The following AVEN variants were observed in gnomAD, a reference collection of about 807,000 sequenced individuals.
The protein encoded by AVEN is cell death regulator Aven.
AVEN carries 41 observed loss-of-function variants against 38.1 expected under a neutral mutation model. The observed-to-expected ratio is 1.08, with a 90% CI of 0.84 to 1.40. The LOEUF is 1.40. AVEN is among the 40% of genes most tolerant of loss of function. AVEN has a pLI of 0.00. For missense variants in AVEN, 605 were observed against 438.8 expected (o/e 1.38, Z -3.38); for synonymous variants, 206 against 171.8 (o/e 1.20, Z -1.56).
intron 3 of AVEN, among the ~76,000 whole-genome samples, chr15:33,872,302 G>A (rs928617589): frequency 7.9e-5 from 12 of 152,032 alleles, no homozygotes; most frequent in African/African-American, 2.9e-4. Context: ...GACTCTGAGT[G>A]TCCAGTATCT....
Position 33,867,814 on chromosome 15 carries a change from T to C in AVEN, c.654A>G (p.Arg218=). The C allele has an allele frequency of 1.9e-6, 3 of 1,606,770 alleles. No individual in the cohort carries two copies. The highest frequency in any genetic ancestry group is 2.5e-6 in the Non-Finnish European group (3 of 1,177,900). ...PLEVPQVKPK[R]TDDGKGLGMQ... ...TCCCTAATCCCTTGCCATCATCAGT[T>C]CTCTTTGGTTTCACCTGAGGAACCT... Residue 218 remains arginine, a synonymous_variant, in exon 5 of 6, where the codon AGA becomes AGG. Transcript: ENST00000306730.
chr15:33,862,541 T>C (rs1888682552), downstream of AVEN, among the ~76,000 whole-genome samples: 1 of 152,162 alleles, frequency 6.6e-6, no homozygotes, highest in Admixed American at 6.5e-5. Context: ...GGCTCAGCCT[T>C]TGGAGAAGGC....
chr15:34,073,881 T>C (rs987246225), intron 1 of AVEN, among the ~76,000 whole-genome samples: 1 of 152,076 alleles, frequency 6.6e-6, no homozygotes, highest in Non-Finnish European at 1.5e-5. Context: ...TCCTTTTCCA[T>C]GTCTGTTACA....
chr15:33,854,878 C>G (rs1311022698), downstream of AVEN: 1 of 1,612,936 alleles, frequency 6.2e-7, no homozygotes, highest in Non-Finnish European at 8.5e-7. Context: ...ACACTGAGGA[C>G]CATTCTGTCA....
At chr15:33,866,127 T>C (rs1201570659), downstream of AVEN, 1 of 165,542 alleles carries the variant, frequency 6.0e-6, no homozygotes, top group Non-Finnish European at 1.3e-5. Context: ...ACTCTTGGAA[T>C]GTACCACTTC....
chr15:33,935,944 T>C, intron 2 of AVEN, among the ~76,000 whole-genome samples: 1 of 152,204 alleles, frequency 6.6e-6, no homozygotes, highest in Non-Finnish European at 1.5e-5. Context: ...TTTGTAATAG[T>C]GTACTTAAGG....
intron 1 of AVEN, among the ~76,000 whole-genome samples, chr15:34,019,401 AAAGT>A (rs1898106869): frequency 6.6e-6 from 1 of 152,228 alleles, no homozygotes; most frequent in African/African-American, 2.4e-5. Context: ...AAAAGTTTAT[AAAGT>A]AAGAAAATTA....
rs1410650159 is a variant in AVEN at position 34,063,502 on chromosome 15, C to T, written n.1127-70G>A. The T allele has an allele frequency of 2.5e-6, 4 of 1,613,754 alleles. No homozygotes were observed. Among genetic ancestry groups the T allele is most frequent in the Non-Finnish European group, 3.4e-6 (4 of 1,180,038 alleles). On this transcript the variant is annotated intron_variant and non_coding_transcript_variant, in intron 4 of 11. Transcript: ENST00000675287. This position sits in a 1 kb window ranked among gnomAD's most constrained non-coding sequence, Gnocchi z 4.1. ...TTGCGCTGTCCTCGACCCACCCTGG[C>T]CCAGCGGGAAAGGAACCAGGCCTCC...
chr15:33,964,130 A>G (rs535512720), intron 2 of AVEN, among the ~76,000 whole-genome samples: 1 of 150,020 alleles, frequency 6.7e-6, no homozygotes, highest in African/African-American at 2.4e-5. Context: ...GTCTACCGCC[A>G]GGACATAGCA....
chr15:33,991,772 T>G (rs773686449), intron 2 of AVEN: 1 of 151,840 alleles, frequency 6.6e-6, no homozygotes, highest in Non-Finnish European at 1.5e-5. Context: ...AAGGAAGAGA[T>G]GTGGAAATTA....
At chr15:33,853,015 A>G in the AVEN span, 3 of 1,590,732 alleles carry the variant, frequency 1.9e-6, no homozygotes, top group Non-Finnish European at 2.6e-6. Flanking sequence ...TTAAGAATGA[A>G]GAACCAACCT....
At chr15:33,874,929 A>C (rs1891155817) in intron 3 of AVEN, among the ~76,000 whole-genome samples, 1 of 152,246 alleles carries the variant, frequency 6.6e-6, no homozygotes, top group Admixed American at 6.5e-5. Flanking sequence ...AGAATACTAA[A>C]CAGTACCTCA....
In AVEN at chr15:34,028,649, A is replaced by G. The variant is rs942780974; in HGVS notation, c.267+10131T>C. The stretch of plus-strand genomic sequence containing the variant: ...GGCAAAGTGACTATAAATATAGTAA[A>G]TATATTGTGTTCATCTAATGTCAGT... On this transcript the variant is annotated intron_variant, in intron 1 of 5. Transcript: ENST00000306730. Among the ~76,000 whole-genome samples, 9 of 152,338 alleles carry G rather than the reference A, an allele frequency of 5.9e-5. No individual in the cohort carries two copies. The East Asian group carries it at 1.7e-3, about 29-fold the overall frequency.
rs533788693 is a variant in AVEN, at chr15:33,899,460, C to CTTTTTTTTTTTTTTTTTTTTTTT, written c.446-23488_446-23466dup. 2.7e-3 allele frequency among the ~76,000 whole-genome samples: 175 copies of CTTTTTTTTTTTTTTTTTTTTTTT among 65,434 alleles called. 23 individuals carry two copies. The highest frequency in any genetic ancestry group is 3.5e-3 in the Non-Finnish European group (122 of 35,020). 42.9% of individuals were successfully genotyped at this position (65,434 alleles called of 152,430 possible). On this transcript the variant is annotated intron_variant, in intron 2 of 5. Transcript: ENST00000306730. ...TACATTTATTTGCTTCAGGGAAAAC[C>CTTTTTTTTTTTTTTTTTTTTTTT]TTTTTTTTTTTTTTTTTTTTTTTTT...
chr15:34,026,375 T>A (rs1898472459), intron 1 of AVEN, among the ~76,000 whole-genome samples: 1 of 152,144 alleles, frequency 6.6e-6, no homozygotes, highest in Admixed American at 6.5e-5. Flanking sequence ...CTTTTAACCT[T>A]AGGATATAAC....
At chr15:33,864,287 A>ATTAATCCCGTGAATGCATTT (rs1488478544), downstream of AVEN, 2 of 913,044 alleles carry the variant, frequency 2.2e-6, no homozygotes. Flanking sequence ...ACATGGCCCC[A>ATTAATCCCGTGAATGCATTT]TTAATCCCGT....
chr15:33,854,992 T>C, downstream of AVEN: 1 of 1,342,400 alleles, frequency 7.4e-7, no homozygotes, highest in East Asian at 2.5e-5. Flanking sequence ...ATACAGTATA[T>C]GACAGGAAGG....
At position 34,073,979 on chromosome 15, in the gene AVEN, TCTTCTTC is replaced by T. The variant is rs1567498491; in HGVS notation, n.720+450_720+456del. Among the ~76,000 whole-genome samples, 4 of 22,592 alleles carry T rather than the reference TCTTCTTC, an allele frequency of 1.8e-4. 1 individual carries two copies. Among genetic ancestry groups the T allele is most frequent in the Non-Finnish European group, 3.9e-4 (3 of 7,742 alleles). The allele number at this position is 22,592 out of a possible 152,430, so 14.8% of individuals were successfully genotyped here. Reference sequence around the variant, plus strand: ...TACTGTTTGGAGGAACTTTCTTTTTTCTTCTTCTTCTTTTTTTTTTTTTTTTTTTTTT... The same window carrying T: ...TACTGTTTGGAGGAACTTTCTTTTTTTTCTTTTTTTTTTTTTTTTTTTTTT... On this transcript the variant is annotated intron_variant and non_coding_transcript_variant, in intron 1 of 11. Coordinates refer to the AVEN transcript ENST00000675287.
the AVEN span, chr15:33,853,652 C>G: frequency 3.3e-5 from 54 of 1,613,880 alleles, 1 homozygote; most frequent in Middle Eastern, 3.3e-4. Flanking sequence ...GTAGAAGAGA[C>G]CAAAGCAGAA....
Sources: gnomAD v4.1 joint callset for allele counts (sites outside exome capture counted in the v4.1 genomes callset) on GRCh38, gnomAD v4.1.1 for gene constraint, Gnocchi (gnomAD v3.1) non-coding constraint, MANE v1.5 for transcripts, NCBI Gene and HGNC (gene_info 2026-07-23, HGNC 2026-07-21) for gene names.